TUNAR: variants seen among roughly 807,000 people sequenced by gnomAD.
TUNAR encodes the protein transmembrane neural differentiation associated intracellular calcium regulator.
chr14:95,915,401 G>A (rs1219436995), intron 2 of TUNAR, among the ~76,000 whole-genome samples: 1 of 152,160 alleles, frequency 6.6e-6, no homozygotes, highest in African/African-American at 2.4e-5. Context: ...CCGTGGCTAG[G>A]ATGAGTCAGT....
chr14:95,885,873 C>T (rs982685652), intron 2 of TUNAR, among the ~76,000 whole-genome samples: 8 of 152,240 alleles, frequency 5.3e-5, no homozygotes, highest in Non-Finnish European at 8.8e-5. Flanking sequence ...ATGGTTGTCC[C>T]GGGTGTAACC....
At chr14:95,909,752 T>G (rs1052195348) in intron 2 of TUNAR, among the ~76,000 whole-genome samples, 1 of 152,204 alleles carries the variant, frequency 6.6e-6, no homozygotes, top group Admixed American at 6.5e-5. Context: ...GAGGTGAATC[T>G]GACCCACCCA....
intron 2 of TUNAR, among the ~76,000 whole-genome samples, chr14:95,901,225 T>C (rs1187714914): frequency 2.0e-5 from 3 of 152,114 alleles, no homozygotes; most frequent in African/African-American, 7.2e-5. Context: ...ATGGACTGCT[T>C]TGGGAGGTGA....
exon 3 of TUNAR, chr14:95,923,205 C>T (rs1388209094): frequency 1.1e-5 from 4 of 352,154 alleles, no homozygotes; most frequent in Non-Finnish European, 2.0e-5. Flanking sequence ...AACTCAACGT[C>T]TTTGGCAGGG....
chr14:95,908,236 C>A lies in TUNAR; in HGVS notation c.13-14545C>A, dbSNP rs1181421104. On this transcript the variant is annotated intron_variant, in intron 2 of 2. Transcript: ENST00000678517. ...AGAAGTCAGATAGTGGGAAGAGGCA[C>A]TTCCGAAGCTATGAGGGCAGGGATG... is the stretch of plus-strand genomic sequence containing the variant. 2.0e-5 allele frequency among the ~76,000 whole-genome samples: 3 copies of A among 152,334 alleles called. No homozygotes were observed. In the East Asian group the frequency reaches 5.8e-4, roughly 29 times the overall value.
intron 2 of TUNAR, among the ~76,000 whole-genome samples, chr14:95,885,305 G>A (rs1485321797): frequency 6.6e-6 from 1 of 152,226 alleles, no homozygotes; most frequent in African/African-American, 2.4e-5. Context: ...GAGGCCATTA[G>A]CAAAGTGGGG....
chr14:95,907,767 C>G (rs1390313323), intron 2 of TUNAR, among the ~76,000 whole-genome samples: 1 of 152,162 alleles, frequency 6.6e-6, no homozygotes, highest in Non-Finnish European at 1.5e-5. Context: ...ATTTCTGCAG[C>G]TCTCAGCAGA....
intron 2 of TUNAR, among the ~76,000 whole-genome samples, chr14:95,898,915 A>G (rs1329853563): frequency 1.3e-5 from 2 of 152,070 alleles, no homozygotes; most frequent in African/African-American, 4.8e-5. Context: ...AGCTGTTGTG[A>G]GATTGTTCTT....
At chr14:95,905,634 ACTGTCT>A (rs1262581513) in intron 2 of TUNAR, among the ~76,000 whole-genome samples, 1 of 152,224 alleles carries the variant, frequency 6.6e-6, no homozygotes, top group African/African-American at 2.4e-5. Flanking sequence ...CTGTAAAGTC[ACTGTCT>A]TTTCTTCGTA....
At chr14:95,906,834 A>C (rs1423908963) in intron 2 of TUNAR, among the ~76,000 whole-genome samples, 1 of 152,234 alleles carries the variant, frequency 6.6e-6, no homozygotes, top group Admixed American at 6.5e-5. Context: ...AGATACACTC[A>C]GAGAAGCATC....
intron 2 of TUNAR, among the ~76,000 whole-genome samples, chr14:95,896,810 G>A (rs1366315339): frequency 6.6e-6 from 1 of 152,166 alleles, no homozygotes; most frequent in Non-Finnish European, 1.5e-5. Context: ...TTGCAGCTTG[G>A]GAATGCAAAG....
intron 2 of TUNAR, among the ~76,000 whole-genome samples, chr14:95,898,696 C>A (rs1023811118): frequency 3.9e-5 from 6 of 152,066 alleles, no homozygotes; most frequent in African/African-American, 1.4e-4. Flanking sequence ...TGTCTCTGAT[C>A]ATTTCTTTTC....
chr14:95,912,096 C>G (rs1402343793), intron 2 of TUNAR, among the ~76,000 whole-genome samples: 1 of 152,234 alleles, frequency 6.6e-6, no homozygotes, highest in Non-Finnish European at 1.5e-5. Context: ...AAAACAGAAG[C>G]ACTCGTAGTC....
intron 2 of TUNAR, among the ~76,000 whole-genome samples, chr14:95,883,679 G>A (rs1167083491): frequency 6.6e-6 from 1 of 152,062 alleles, no homozygotes; most frequent in African/African-American, 2.4e-5. Context: ...TGGGAGGCAG[G>A]GGGCCTTCTC....
intron 2 of TUNAR, among the ~76,000 whole-genome samples, chr14:95,920,669 C>T (rs926959612): frequency 6.6e-6 from 1 of 152,150 alleles, no homozygotes; most frequent in African/African-American, 2.4e-5. Context: ...GATCCAGAGC[C>T]GCTCTGTAAG....
intron 2 of TUNAR, among the ~76,000 whole-genome samples, chr14:95,907,605 A>G (rs1421506363): frequency 6.6e-6 from 1 of 152,182 alleles, no homozygotes; most frequent in East Asian, 1.9e-4. Context: ...AGCAAGATGA[A>G]GAGGTGCTTT....
At chr14:95,923,091 G>A in exon 3 of TUNAR, 1 of 397,350 alleles carries the variant, frequency 2.5e-6, no homozygotes, top group Non-Finnish European at 4.4e-6. Flanking sequence ...CCAATCAAAT[G>A]CACCTTCAAA....
intron 2 of TUNAR, among the ~76,000 whole-genome samples, chr14:95,903,821 G>T (rs1308236306): frequency 6.6e-6 from 1 of 152,228 alleles, no homozygotes; most frequent in Non-Finnish European, 1.5e-5. Context: ...GGCTGGGCTG[G>T]CCGGCACAGC....
chr14:95,879,971 G>A (rs1212134232), intron 2 of TUNAR, among the ~76,000 whole-genome samples: 4 of 152,230 alleles, frequency 2.6e-5, no homozygotes, highest in African/African-American at 7.2e-5. Flanking sequence ...TTCTGCATCA[G>A]TGAGGATGCA....
Sources: gnomAD v4.1 joint callset for allele counts (sites outside exome capture counted in the v4.1 genomes callset) on GRCh38, gnomAD v4.1.1 for gene constraint, MANE v1.5 for transcripts, NCBI Gene and HGNC (gene_info 2026-07-23, HGNC 2026-07-21) for gene names.